Variants in TEX11 observed in about 807,000 individuals in gnomAD.
TEX11 encodes the protein testis expressed 11.
A neutral mutation model predicts 84.4 loss-of-function variants in TEX11; 7 were observed. The ratio of observed to expected loss-of-function variants is 0.08; its 90% confidence interval spans 0.05 to 0.16. The LOEUF is 0.16. Ranked by LOEUF, TEX11 falls within the 10% of genes least tolerant of loss-of-function variation. TEX11 has a pLI of 1.00. For missense variants in TEX11, 551 were observed against 660.5 expected (o/e 0.83, Z 1.82); for synonymous variants, 264 against 222.8 (o/e 1.18, Z -1.64).
chrX:70,744,382 T>A (rs1416271771), intron 9 of TEX11, among the ~76,000 whole-genome samples, 163 bp from the exon 10 acceptor site: 1 of 109,208 alleles, frequency 9.2e-6, no homozygotes, highest in African/African-American at 3.3e-5. Flanking sequence ...ATCCATATGA[T>A]ATAATGATAT....
intron 16 of TEX11, among the ~76,000 whole-genome samples, chrX:70,654,264 T>C (rs2089839066): frequency 9.0e-6 from 1 of 111,705 alleles, no homozygotes; most frequent in South Asian, 3.7e-4. Context: ...GGAAACAGTA[T>C]GTGAAGAACC....
chrX:70,728,867 G>C (rs2090620919), intron 11 of TEX11, among the ~76,000 whole-genome samples: 1 of 84,718 alleles, frequency 1.2e-5, no homozygotes, highest in African/African-American at 4.4e-5. Flanking sequence ...ACTGCCTCCT[G>C]AAGTGGGTCC....
intron 13 of TEX11, among the ~76,000 whole-genome samples, chrX:70,691,567 A>C (rs2090235221): frequency 9.0e-6 from 1 of 111,704 alleles, no homozygotes; most frequent in Admixed American, 9.6e-5. Context: ...AGACACGGAA[A>C]AACAAATACT....
intron 25 of TEX11, among the ~76,000 whole-genome samples, chrX:70,567,923 A>G (rs1017638311): frequency 7.2e-5 from 8 of 111,331 alleles, no homozygotes. Flanking sequence ...TATTAGGTCC[A>G]CTTGGTGCAG....
At chrX:70,547,826 G>A (rs1248862645) in intron 28 of TEX11, among the ~76,000 whole-genome samples, 1 of 112,140 alleles carries the variant, frequency 8.9e-6, no homozygotes, top group East Asian at 2.8e-4. Flanking sequence ...TGGTGGGACT[G>A]TAAACTAGTT....
In TEX11 at chrX:70,670,361, A is replaced by G; in HGVS notation, c.1380+16T>C. 1 of 1,201,925 alleles carries G rather than the reference A, an allele frequency of 8.3e-7. No individual in the cohort carries two copies. Among genetic ancestry groups the G allele is most frequent in the Non-Finnish European group, 1.1e-6 (1 of 892,021 alleles). ...AAGAACATTTGCTACCTCTGAAAAT[A>G]GATAAATCAAAGGACCTTATCAAGT... On this transcript the variant is annotated intron_variant, in intron 16 of 29. Transcript: ENST00000374333.
intron 25 of TEX11, among the ~76,000 whole-genome samples, chrX:70,587,589 T>C (rs1424393499): frequency 8.9e-6 from 1 of 112,400 alleles, no homozygotes; most frequent in African/African-American, 3.2e-5. Context: ...CAAATGGGTG[T>C]CCGTGGAGAA....
At chrX:70,523,661 T>C in the TEX11 span, among the ~76,000 whole-genome samples, 1 of 109,646 alleles carries the variant, frequency 9.1e-6, no homozygotes, top group South Asian at 4.0e-4. Context: ...AGACGGGGTT[T>C]CACTGTGTTA....
chrX:70,709,680 T>C (rs1246360412), intron 13 of TEX11, among the ~76,000 whole-genome samples: 4 of 111,415 alleles, frequency 3.6e-5, no homozygotes, highest in Non-Finnish European at 7.6e-5. Context: ...AGAATCTAGA[T>C]AGCTCTGAAA....
At chrX:70,552,008 T>C (rs954294530) in intron 28 of TEX11, 118 bp downstream of exon 28, 2 of 837,010 alleles carry the variant, frequency 2.4e-6, no homozygotes, top group African/African-American at 4.3e-5. Context: ...TACAAAATTG[T>C]AATATGAATT....
chrX:70,729,351 A>T (rs1325438941), intron 11 of TEX11, among the ~76,000 whole-genome samples: 1 of 112,229 alleles, frequency 8.9e-6, no homozygotes, highest in East Asian at 2.8e-4. Flanking sequence ...TCAGACGATT[A>T]AACTACGCCA....
At chrX:70,594,092 A>G (rs946170754) in intron 24 of TEX11, among the ~76,000 whole-genome samples, 18 of 111,946 alleles carry the variant, frequency 1.6e-4, no homozygotes, top group Non-Finnish European at 3.4e-4. Flanking sequence ...AAATGGTAAA[A>G]GACAAAGAAA....
At chrX:70,773,546 T>C (rs994221513) in intron 9 of TEX11, among the ~76,000 whole-genome samples, 1 of 111,935 alleles carries the variant, frequency 8.9e-6, no homozygotes, top group Non-Finnish European at 1.9e-5. Flanking sequence ...TTCCTCAAGT[T>C]ATTAATAAAA....
At chrX:70,867,160 G>T (rs1341336857) in intron 4 of TEX11, among the ~76,000 whole-genome samples, 1 of 111,922 alleles carries the variant, frequency 8.9e-6, no homozygotes, top group Non-Finnish European at 1.9e-5. Context: ...AAGCTGATAA[G>T]CAACTTCAGC....
chrX:70,662,947 AG>A (rs2089943713), intron 16 of TEX11, among the ~76,000 whole-genome samples: 2 of 111,369 alleles, frequency 1.8e-5, no homozygotes, highest in Admixed American at 1.9e-4. Flanking sequence ...TGGGGTATAA[AG>A]TTGTCAAAAT....
chrX:70,534,090 CAAAAAAA>C (rs1168310559), intron 28 of TEX11, among the ~76,000 whole-genome samples: 429 of 21,705 alleles, frequency 0.02, 3 homozygotes, highest in Admixed American at 0.026. Flanking sequence ...GACTCCATCT[CAAAAAAA>C]AAAAAAAAAA....
intron 17 of TEX11, among the ~76,000 whole-genome samples, chrX:70,638,924 T>C (rs1233269227): frequency 1.8e-5 from 2 of 108,868 alleles, no homozygotes; most frequent in Non-Finnish European, 3.8e-5. Context: ...GATGGCCGAA[T>C]AGGAACAGCT....
At chrX:70,861,038 T>G in intron 4 of TEX11, 102 bp from the exon 5 acceptor site, 1 of 531,988 alleles carries the variant, frequency 1.9e-6, no homozygotes, top group Non-Finnish European at 2.9e-6. Context: ...TTTGTTGTTA[T>G]TAAAAATAAA....
chrX:70,708,642 T>C, intron 13 of TEX11, among the ~76,000 whole-genome samples: 1 of 111,799 alleles, frequency 8.9e-6, no homozygotes, highest in South Asian at 3.7e-4. Flanking sequence ...TCATGTTCTT[T>C]GCAGCAACAT....
Sources: gnomAD v4.1 joint callset for allele counts (sites outside exome capture counted in the v4.1 genomes callset) on GRCh38, gnomAD v4.1.1 for gene constraint, MANE v1.5 for transcripts, NCBI Gene and HGNC (gene_info 2026-07-23, HGNC 2026-07-21) for gene names.